Variants in VSTM5 observed in about 807,000 individuals in gnomAD.
VSTM5 encodes the protein V-set and transmembrane domain-containing protein 5.
Under a neutral mutation model 20.3 loss-of-function variants are expected in VSTM5, and 21 were observed. The observed-to-expected ratio is 1.03, with a 90% CI of 0.73 to 1.49. The LOEUF (loss-of-function observed/expected upper bound fraction) is 1.49, where lower values mean the gene tolerates loss of function less well. Among genes scored for constraint, VSTM5 ranks in the 40% most tolerant of loss-of-function variants. VSTM5 has a pLI of 0.00. For synonymous variants in VSTM5, 100 were observed against 102.5 expected (o/e 0.98, Z 0.14); for missense variants, 219 against 250.0 (o/e 0.88, Z 0.84).
At chr11:93,833,112 A>G (rs1479788014) in intron 1 of VSTM5, among the ~76,000 whole-genome samples, 3 of 152,232 alleles carry the variant, frequency 2.0e-5, no homozygotes, top group Admixed American at 2.0e-4. Flanking sequence ...TTGAAGACTT[A>G]GTACTTAGTA....
intron 1 of VSTM5, among the ~76,000 whole-genome samples, chr11:93,823,204 C>CTTT (rs67984385): frequency 1.5e-4 from 23 of 148,754 alleles, no homozygotes; most frequent in African/African-American, 5.7e-4. Context: ...TTTTCCTTTT[C>CTTT]TTTTTTTTTT....
intron 1 of VSTM5, 101 bp downstream of exon 1, chr11:93,850,310 TG>T: frequency 9.9e-7 from 1 of 1,007,296 alleles, no homozygotes; most frequent in Non-Finnish European, 1.4e-6. Flanking sequence ...CCGGACAAGG[TG>T]GGCGAGGGCC....
intron 1 of VSTM5, among the ~76,000 whole-genome samples, chr11:93,830,930 A>T (rs979394079): frequency 2.0e-5 from 3 of 150,552 alleles, no homozygotes; most frequent in Non-Finnish European, 3.0e-5. Context: ...TTTTATTTTT[A>T]TTTTTTTTGT....
At chr11:93,823,358 CAAAT>C (rs1221236991) in intron 1 of VSTM5, among the ~76,000 whole-genome samples, 2 of 151,984 alleles carry the variant, frequency 1.3e-5, no homozygotes, top group East Asian at 1.9e-4. Flanking sequence ...ATTTAATTGA[CAAAT>C]AAAGATTGTA....
chr11:93,843,657 TGTTATTTATTAA>T (rs980888770), intron 1 of VSTM5, among the ~76,000 whole-genome samples: 4 of 152,200 alleles, frequency 2.6e-5, no homozygotes, highest in Non-Finnish European at 5.9e-5. Context: ...GTCTTGTAAT[TGTTATTTATTAA>T]GTTATAAAAA....
chr11:93,831,841 G>T (rs1267478561), intron 1 of VSTM5, among the ~76,000 whole-genome samples: 6 of 151,316 alleles, frequency 4.0e-5, no homozygotes, highest in Non-Finnish European at 8.8e-5. Flanking sequence ...AACCAATGCT[G>T]GGAAAGTTGA....
intron 1 of VSTM5, among the ~76,000 whole-genome samples, chr11:93,836,596 C>G (rs1944324995): frequency 6.6e-6 from 1 of 152,260 alleles, no homozygotes; most frequent in South Asian, 2.1e-4. Context: ...TCCTTCAGAT[C>G]TCAATCATCG....
intron 1 of VSTM5, among the ~76,000 whole-genome samples, chr11:93,829,106 C>A (rs1275349398): frequency 6.6e-6 from 1 of 152,208 alleles, no homozygotes; most frequent in Admixed American, 6.5e-5. Context: ...CCACCACTTA[C>A]CCTTCTCTGA....
intron 1 of VSTM5, among the ~76,000 whole-genome samples, chr11:93,823,122 G>T (rs1349871661): frequency 6.6e-6 from 1 of 151,906 alleles, no homozygotes; most frequent in African/African-American, 2.4e-5. Context: ...TTTCTCAGAT[G>T]CTGATACAAC....
intron 1 of VSTM5, among the ~76,000 whole-genome samples, chr11:93,832,951 G>C (rs1944294364): frequency 6.6e-6 from 1 of 152,138 alleles, no homozygotes. Flanking sequence ...CTCAGTGCTG[G>C]CAAAGACTTG....
intron 1 of VSTM5, among the ~76,000 whole-genome samples, chr11:93,837,059 T>C (rs1421581366): frequency 1.4e-5 from 2 of 146,534 alleles, no homozygotes; most frequent in Non-Finnish European, 3.0e-5. Flanking sequence ...TGAGATGGAG[T>C]CTTGCTCTGT....
chr11:93,842,425 C>A (rs1232758166), intron 1 of VSTM5, among the ~76,000 whole-genome samples: 1 of 152,238 alleles, frequency 6.6e-6, no homozygotes, highest in African/African-American at 2.4e-5. Flanking sequence ...CTTCCTACCA[C>A]ACCTTTTCCA....
chr11:93,850,347 GC>G, intron 1 of VSTM5, 64 bp downstream of exon 1: 2 of 1,424,092 alleles, frequency 1.4e-6, no homozygotes, highest in Non-Finnish European at 9.5e-7. Flanking sequence ...AGACCCCGGG[GC>G]CCCGCCCGTG....
intron 1 of VSTM5, among the ~76,000 whole-genome samples, chr11:93,845,969 A>G (rs1212221259): frequency 6.6e-6 from 1 of 152,232 alleles, no homozygotes; most frequent in Non-Finnish European, 1.5e-5. Flanking sequence ...TCTCTTTGGA[A>G]TAACTCAACT....
intron 1 of VSTM5, among the ~76,000 whole-genome samples, chr11:93,834,940 T>C (rs902886452): frequency 3.9e-5 from 6 of 151,924 alleles, no homozygotes; most frequent in Non-Finnish European, 1.5e-5. Context: ...AATAGATAAG[T>C]GAGTTAATAG....
intron 1 of VSTM5, among the ~76,000 whole-genome samples, chr11:93,845,547 G>A (rs592928): frequency 0.61 from 92,634 of 151,982 alleles, 28,799 homozygotes; most frequent in Admixed American, 0.67. Flanking sequence ...GGGGCGAGTC[G>A]TTTCCAACTT....
chr11:93,826,794 C>T lies in VSTM5; in HGVS notation c.92-5471G>A, dbSNP rs187507773. On this transcript the variant is annotated intron_variant, in intron 1 of 3. Transcript: ENST00000409977. ...CTATAAATTATGGTATGCTATAGTT[C>T]CATTTTTATTTGTTTCAAGATTTTT... Among the ~76,000 whole-genome samples, 451 of 152,174 alleles carry T rather than the reference C, an allele frequency of 3.0e-3. 1 individual carries two copies. Among genetic ancestry groups the T allele is most frequent in the Middle Eastern group, 0.01 (3 of 294 alleles).
At chr11:93,838,004 G>A (rs1417396675) in intron 1 of VSTM5, among the ~76,000 whole-genome samples, 1 of 151,678 alleles carries the variant, frequency 6.6e-6, no homozygotes, top group Non-Finnish European at 1.5e-5. Flanking sequence ...GGGGGTGGGG[G>A]TGGGAGTGTG....
At chr11:93,842,796 T>A (rs1944380889) in intron 1 of VSTM5, among the ~76,000 whole-genome samples, 1 of 152,208 alleles carries the variant, frequency 6.6e-6, no homozygotes, top group Admixed American at 6.5e-5. Context: ...AAGAGGGGTA[T>A]AAAGTGATCA....
Sources: allele counts gnomAD v4.1 joint callset (sites outside exome capture counted in the v4.1 genomes callset), GRCh38; gene constraint gnomAD v4.1.1; transcripts MANE v1.5; gene names NCBI Gene and HGNC (gene_info 2026-07-23, HGNC 2026-07-21).